Variants in ARID5B observed in about 807,000 individuals in gnomAD.
ARID5B encodes the protein AT-rich interaction domain 5B, also known as AT-rich interactive domain-containing protein 5B.
A neutral mutation model predicts 97.2 loss-of-function variants in ARID5B; 13 were observed. That is an observed-to-expected ratio of 0.13 (90% CI 0.09 to 0.21). The LOEUF (loss-of-function observed/expected upper bound fraction) is 0.21, where lower values mean the gene tolerates loss of function less well. ARID5B is among the 10% of genes least tolerant of loss of function. The pLI, the probability that ARID5B is intolerant of heterozygous loss-of-function variation, is 1.00. For synonymous variants in ARID5B, 556 were observed against 570.3 expected (o/e 0.97, Z 0.36); for missense variants, 1,210 against 1,465.3 (o/e 0.83, Z 2.84).
At chr10:61,908,526 G>A (rs1002708102) in intron 2 of ARID5B, among the ~76,000 whole-genome samples, 1 of 151,890 alleles carries the variant, frequency 6.6e-6, no homozygotes, top group Non-Finnish European at 1.5e-5. Context: ...GAATGGCCTC[G>A]GCCAGGCATA....
rs776634724 is a variant in ARID5B, at chr10:62,085,804, C to T, written c.1302C>T (p.Asn434=). The T allele has an allele frequency of 2.5e-6, 4 of 1,613,962 alleles. No individual in the cohort carries two copies. Among genetic ancestry groups the T allele is most frequent in the Admixed American group, 1.7e-5 (1 of 59,980 alleles). The change falls in exon 9 of 10, where the codon AAC becomes AAT. Residue 434 remains asparagine (N), a synonymous_variant. Transcript: ENST00000279873. ...KQENSSQENE[N]KTKVSGTKRI... ...AGAACAGTTCACAGGAAAATGAGAA[C>T]AAAACAAAAGTATCTGGAACCAAAC...
intron 8 of ARID5B, among the ~76,000 whole-genome samples, chr10:62,074,642 G>C (rs1204596774): frequency 6.6e-6 from 1 of 152,186 alleles, no homozygotes; most frequent in Non-Finnish European, 1.5e-5. Flanking sequence ...ACAGTTCTGT[G>C]CACATCAAGG....
intron 3 of ARID5B, among the ~76,000 whole-genome samples, chr10:61,957,978 A>G (rs1838415500): frequency 6.6e-6 from 1 of 152,120 alleles, no homozygotes; most frequent in African/African-American, 2.4e-5. Flanking sequence ...GCCCTCAACT[A>G]CGGCCTTCAT....
intron 3 of ARID5B, among the ~76,000 whole-genome samples, chr10:61,998,378 T>C (rs144005967): frequency 4.7e-4 from 71 of 152,300 alleles, no homozygotes; most frequent in East Asian, 2.7e-3. Context: ...TGTTTTCCCT[T>C]TGGAGAAGCA....
At chr10:62,028,526 C>T (rs543183530) in intron 4 of ARID5B, among the ~76,000 whole-genome samples, 4 of 152,304 alleles carry the variant, frequency 2.6e-5, no homozygotes, top group African/African-American at 9.6e-5. Flanking sequence ...CTCATTGTCA[C>T]TCACCACCTG....
rs116741624 is a variant in ARID5B at position 62,044,490 on chromosome 10, C to G, written c.734-6398C>G. Among the ~76,000 whole-genome samples, 663 of 151,228 alleles carry G rather than the reference C, an allele frequency of 4.4e-3. 6 individuals carry two copies. Among genetic ancestry groups the G allele is most frequent in the African/African-American group, 0.015 (619 of 41,194 alleles). Reference sequence around the variant, plus strand: ...CAAACTGCTGAACTCAAATAATCATCTCACCTCAGCCTCCCAACTAGCTAG... The same window carrying G: ...CAAACTGCTGAACTCAAATAATCATGTCACCTCAGCCTCCCAACTAGCTAG... On this transcript the variant is annotated intron_variant, in intron 4 of 9. Coordinates refer to ENST00000279873, the MANE Select transcript of ARID5B (RefSeq NM_032199.3).
intron 2 of ARID5B, among the ~76,000 whole-genome samples, chr10:61,919,964 C>A (rs147288100): frequency 3.9e-5 from 6 of 152,098 alleles, no homozygotes; most frequent in African/African-American, 1.4e-4. Context: ...TCTCACTCCA[C>A]ATTTTTGATA....
intron 3 of ARID5B, among the ~76,000 whole-genome samples, chr10:61,995,710 C>A (rs564117225): frequency 6.6e-6 from 1 of 152,274 alleles, no homozygotes; most frequent in East Asian, 1.9e-4. Flanking sequence ...GACTGTTTTA[C>A]TCAGTGAAAC....
intron 9 of ARID5B, among the ~76,000 whole-genome samples, chr10:62,088,294 T>C (rs1407739807): frequency 1.3e-5 from 2 of 152,212 alleles, no homozygotes. Flanking sequence ...TTATAGGGTT[T>C]CAGATGAGTG....
intron 8 of ARID5B, among the ~76,000 whole-genome samples, chr10:62,071,274 T>G (rs1840061024): frequency 6.6e-6 from 1 of 152,106 alleles, no homozygotes; most frequent in Non-Finnish European, 1.5e-5. Flanking sequence ...GACCTCATGA[T>G]CCACCCACTT....
intron 3 of ARID5B, among the ~76,000 whole-genome samples, chr10:61,959,826 G>A (rs1003248201): frequency 5.9e-5 from 9 of 152,172 alleles, no homozygotes; most frequent in East Asian, 3.9e-4. Flanking sequence ...ACCTAGTCTA[G>A]TGGGGCTATA....
At chr10:61,991,346 G>T in intron 3 of ARID5B, among the ~76,000 whole-genome samples, 1 of 152,032 alleles carries the variant, frequency 6.6e-6, no homozygotes, top group Non-Finnish European at 1.5e-5. Context: ...CCACATCCTT[G>T]CCAACACTTG....
intron 2 of ARID5B, among the ~76,000 whole-genome samples, chr10:61,922,789 G>C (rs1423377203): frequency 6.6e-6 from 1 of 152,190 alleles, no homozygotes; most frequent in Admixed American, 6.5e-5. Context: ...TTGTGTATAC[G>C]TCAGGAGAGC....
chr10:62,031,764 C>A (rs920779206), intron 4 of ARID5B, among the ~76,000 whole-genome samples: 2 of 151,240 alleles, frequency 1.3e-5, no homozygotes, highest in Non-Finnish European at 2.9e-5. Context: ...TGCTTTTCAG[C>A]TCCAGTCTTC....
chr10:62,018,074 A>G (rs1007006035), intron 4 of ARID5B, among the ~76,000 whole-genome samples: 2 of 152,266 alleles, frequency 1.3e-5, no homozygotes, highest in African/African-American at 2.4e-5. Flanking sequence ...TCCAGTGTCA[A>G]AAATAATCGG....
chr10:62,051,231 C>T (rs762166155), intron 5 of ARID5B: 1 of 601,444 alleles, frequency 1.7e-6, no homozygotes, highest in Non-Finnish European at 3.0e-6. Context: ...AGACTTCCTA[C>T]CTCCCAGTTT....
At chr10:61,915,560 C>T (rs918844385) in intron 2 of ARID5B, among the ~76,000 whole-genome samples, 5 of 152,150 alleles carry the variant, frequency 3.3e-5, no homozygotes, top group African/African-American at 1.2e-4. Context: ...TTGGTGAATT[C>T]GTAGCCAGGT....
intron 3 of ARID5B, among the ~76,000 whole-genome samples, chr10:61,986,769 G>T (rs988696858): frequency 6.6e-6 from 1 of 152,086 alleles, no homozygotes; most frequent in Non-Finnish European, 1.5e-5. Context: ...AGTGTTCCTT[G>T]GCATACTTTG....
At chr10:62,045,779 G>C (rs1303685536) in intron 4 of ARID5B, among the ~76,000 whole-genome samples, 1 of 152,158 alleles carries the variant, frequency 6.6e-6, no homozygotes, top group Non-Finnish European at 1.5e-5. Flanking sequence ...TATCCTCAGA[G>C]GAAAAGCATT....
Sources: gnomAD v4.1 joint callset for allele counts (sites outside exome capture counted in the v4.1 genomes callset) on GRCh38, gnomAD v4.1.1 for gene constraint, MANE v1.5 for transcripts, NCBI Gene and HGNC (gene_info 2026-07-23, HGNC 2026-07-21) for gene names.